Variants in BRWD1 observed in about 807,000 individuals in gnomAD.
The protein encoded by BRWD1 is bromodomain and WD repeat-containing protein 1.
BRWD1 carries 82 observed loss-of-function variants against 251.2 expected under a neutral mutation model. The ratio of observed to expected loss-of-function variants is 0.33; its 90% CI spans 0.27 to 0.39. The LOEUF is 0.39. BRWD1 is among the 10% of genes least tolerant of loss of function. BRWD1 has a pLI of 1.00. For synonymous variants in BRWD1, 918 were observed against 902.8 expected, an observed-to-expected ratio of 1.02 and a Z score of -0.30; for missense variants, 2,233 against 2,711.6, an observed-to-expected ratio of 0.82 and a Z score of 3.92.
rs974942944 is a variant in BRWD1 at position 39,188,979 on chromosome 21, G to A, written c.*7280C>T. 1.0e-6 allele frequency: 1 copy of A among 985,372 alleles called. No individual in the cohort carries two copies. Among genetic ancestry groups the A allele is most frequent in the Non-Finnish European group, 1.2e-6 (1 of 829,912 alleles). The allele number at this position is 985,372 out of a possible 1,614,324, so 61.0% of individuals were successfully genotyped here. A position where few individuals can be genotyped will look rare whatever the true frequency, so the allele number is the denominator to read the frequency against. The stretch of plus-strand genomic sequence containing the variant: ...CTCCTTCAGCTGGACTCTGTGGGAA[G>A]AGAAGTGGCTTAAAGTGCACTGTGT... On this transcript the variant is annotated 3_prime_UTR_variant, in exon 41 of 41. Transcript: ENST00000342449.
intron 4 of BRWD1, among the ~76,000 whole-genome samples, chr21:39,309,702 G>A (rs2146804019): frequency 6.6e-6 from 1 of 152,164 alleles, no homozygotes; most frequent in African/African-American, 2.4e-5. Flanking sequence ...GCGGACGCCT[G>A]TAGTCCCAGC....
intron 21 of BRWD1, 145 bp from the exon 22 acceptor site, chr21:39,238,718 C>T: frequency 3.6e-6 from 2 of 563,352 alleles, no homozygotes; most frequent in South Asian, 2.6e-5. Flanking sequence ...ATCAGATAAA[C>T]TTAAAAAGCA....
At position 39,270,264 on chromosome 21, in the gene BRWD1, T is replaced by C. The variant is rs770085696; in HGVS notation, c.1395+19A>G. The C allele has an allele frequency of 6.5e-7, 1 of 1,529,636 alleles. No homozygotes were observed. The highest frequency in any genetic ancestry group is 1.3e-5 in the South Asian group (1 of 76,374). The allele number at this position is 1,529,636 out of a possible 1,614,324, so 94.8% of individuals were successfully genotyped here. On this transcript the variant is annotated intron_variant, in intron 14 of 40. Coordinates refer to ENST00000342449, the MANE Select transcript of BRWD1 (RefSeq NM_033656.4). ...TTTCAAAAAATCTCATTTGTTACAC[T>C]GTACCAGAAATTACCTACCATTAAG...
intron 4 of BRWD1, among the ~76,000 whole-genome samples, chr21:39,303,102 A>T (rs2036172216): frequency 6.6e-6 from 1 of 152,226 alleles, no homozygotes; most frequent in African/African-American, 2.4e-5. Flanking sequence ...GACAACTAAC[A>T]GTTATAACTT....
chr21:39,222,468 T>C (rs2033216673), intron 29 of BRWD1, among the ~76,000 whole-genome samples: 1 of 152,142 alleles, frequency 6.6e-6, no homozygotes, highest in Non-Finnish European at 1.5e-5. Flanking sequence ...ACACTGCATA[T>C]TGCCAGAAGC....
rs770450495 is a variant in BRWD1 at position 39,199,107 on chromosome 21, T to C, written c.5309A>G (p.Asn1770Ser). ...SKSHDSDHAC[N>S]RTAGPSTSVQ... ...AGACGTTGATGGGCCAGCAGTTCTGTTACATGCATGATCTGAATCATGACT... is the reference window on the plus strand; with the variant it reads ...AGACGTTGATGGGCCAGCAGTTCTGCTACATGCATGATCTGAATCATGACT... Residue 1770 changes from asparagine to serine, a missense_variant, in exon 40 of 41, where the codon AAC becomes AGC. By Grantham distance (46) the Asn-to-Ser change is conservative (BLOSUM62 1). This residue lies in a region of BRWD1 where 928 missense variants were observed against 970.0 expected (regional missense o/e 0.96). Transcript: ENST00000342449. The C allele has an allele frequency of 1.2e-6, 2 of 1,613,914 alleles. No homozygotes were observed. Among genetic ancestry groups the C allele is most frequent in the African/African-American group, 2.7e-5 (2 of 74,882 alleles).
chr21:39,318,574 G>C (rs1423657963), upstream of BRWD1, among the ~76,000 whole-genome samples: 4 of 152,214 alleles, frequency 2.6e-5, no homozygotes, highest in African/African-American at 9.6e-5. Context: ...CAAAAACCTG[G>C]ATCACTTCAT....
At chr21:39,318,950 A>AT (rs2036723615) in intron 1 of BRWD1, among the ~76,000 whole-genome samples, 1 of 151,980 alleles carries the variant, frequency 6.6e-6, no homozygotes, top group Non-Finnish European at 1.5e-5. Context: ...TTATTTATTT[A>AT]TTTTTTAGAG....
intron 35 of BRWD1, among the ~76,000 whole-genome samples, 193 bp from the exon 36 acceptor site, chr21:39,210,340 CTATT>C (rs748917849): frequency 2.0e-5 from 3 of 152,112 alleles, no homozygotes; most frequent in Non-Finnish European, 2.9e-5. Context: ...ATGTTAATGT[CTATT>C]TATTGTTAGT....
At chr21:39,281,847 A>G (rs551732000) in intron 8 of BRWD1, among the ~76,000 whole-genome samples, 2 of 151,532 alleles carry the variant, frequency 1.3e-5, no homozygotes, top group Non-Finnish European at 2.9e-5. Context: ...CAGCCGGGAC[A>G]ACACAGCAAG....
rs2031518136 is a variant in BRWD1, at chr21:39,190,905, G to T, written c.*5354C>A. ...TCAATGATGGGCACCACACAACTCT[G>T]AATTTTTGTTCTTATTCTGGAACTA... On this transcript the variant is annotated 3_prime_UTR_variant, in exon 41 of 41. Transcript: ENST00000342449. 1 of 985,132 alleles carries T rather than the reference G, an allele frequency of 1.0e-6. No individual in the cohort carries two copies. The highest frequency in any genetic ancestry group is 1.2e-6 in the Non-Finnish European group (1 of 829,884). The allele number at this position is 985,132 out of a possible 1,614,324, so 61.0% of individuals were successfully genotyped here.
chr21:39,308,969 A>G (rs1023647101), intron 4 of BRWD1, among the ~76,000 whole-genome samples: 1 of 152,056 alleles, frequency 6.6e-6, no homozygotes, highest in Non-Finnish European at 1.5e-5. Context: ...AGGTCAAGAG[A>G]TGGAGACCAT....
At chr21:39,317,606 A>G (rs879772351), upstream of BRWD1, among the ~76,000 whole-genome samples, 10 of 152,264 alleles carry the variant, frequency 6.6e-5, no homozygotes, top group Admixed American at 6.5e-4. Context: ...GTTTCACAAA[A>G]GAGGAAATGG....
chr21:39,268,883 G>A (rs1421984258), intron 15 of BRWD1, among the ~76,000 whole-genome samples: 1 of 152,132 alleles, frequency 6.6e-6, no homozygotes, highest in Non-Finnish European at 1.5e-5. Context: ...AATTACTTGG[G>A]AGGCTGAGGC....
chr21:39,308,903 C>T (rs1278038274), intron 4 of BRWD1, among the ~76,000 whole-genome samples: 2 of 152,018 alleles, frequency 1.3e-5, no homozygotes, highest in Non-Finnish European at 1.5e-5. Flanking sequence ...GGGCAGGATG[C>T]GGTGAGTCAC....
chr21:39,291,336 G>A (rs1053908510), intron 8 of BRWD1, among the ~76,000 whole-genome samples: 1 of 152,120 alleles, frequency 6.6e-6, no homozygotes, highest in Non-Finnish European at 1.5e-5. Context: ...AGATACCAAT[G>A]TACCTTTAAA....
chr21:39,213,072 G>A (rs1184648675), intron 33 of BRWD1, among the ~76,000 whole-genome samples: 3 of 152,058 alleles, frequency 2.0e-5, no homozygotes, highest in Admixed American at 6.6e-5. Context: ...TATAGTACAG[G>A]CATGCACTAC....
chr21:39,212,215 T>C (rs1180027148), intron 34 of BRWD1, among the ~76,000 whole-genome samples: 2 of 152,168 alleles, frequency 1.3e-5, no homozygotes, highest in East Asian at 1.9e-4. Flanking sequence ...ACACATCTTC[T>C]TATCCTTCAA....
chr21:39,247,035 G>A (rs902752323), intron 21 of BRWD1, among the ~76,000 whole-genome samples: 1 of 151,050 alleles, frequency 6.6e-6, no homozygotes, highest in East Asian at 1.9e-4. Flanking sequence ...CCGAGATCGC[G>A]CCACTGCACT....
Sources: gnomAD v4.1 joint callset for allele counts (sites outside exome capture counted in the v4.1 genomes callset) on GRCh38, gnomAD v4.1.1 for gene constraint, gnomAD v4.1.1 regional missense constraint, MANE v1.5 for transcripts, NCBI Gene and HGNC (gene_info 2026-07-23, HGNC 2026-07-21) for gene names.